BACH2: variants seen among roughly 807,000 people sequenced by gnomAD.
The protein encoded by BACH2 is transcription regulator protein BACH2.
BACH2 carries 5 observed loss-of-function variants against 61.8 expected under a neutral mutation model. The ratio of observed to expected loss-of-function variants is 0.08; its 90% CI spans 0.04 to 0.17. The LOEUF is 0.17. Ranked by LOEUF, BACH2 falls within the 10% of genes least tolerant of loss-of-function variation. The pLI is 1.00. For missense variants in BACH2, 824 were observed against 1,091.1 expected, an observed-to-expected ratio of 0.76 and a Z score of 3.45; for synonymous variants, 446 against 440.1, an observed-to-expected ratio of 1.01 and a Z score of -0.17.
chr6:90,244,315 G>A (rs1277717711), intron 3 of BACH2, among the ~76,000 whole-genome samples: 1 of 152,182 alleles, frequency 6.6e-6, no homozygotes, highest in Non-Finnish European at 1.5e-5. Context: ...TGTACCAGAT[G>A]GTATTCAAGG....
chr6:90,104,842 A>C (rs1197875168), intron 4 of BACH2, among the ~76,000 whole-genome samples: 1 of 152,178 alleles, frequency 6.6e-6, no homozygotes, highest in Non-Finnish European at 1.5e-5. Context: ...GAGGAGAAGG[A>C]GCAGGAAAGA....
Position 89,932,349 on chromosome 6 carries a change from GC to G in BACH2, c.*58del. On this transcript the variant is annotated 3_prime_UTR_variant, in exon 9 of 9. Transcript: ENST00000257749. ...GGACAGCAGATGAACAGTGCCACAG[GC>G]TGACTGAAGAACGCCTGGATGGGAG... is the stretch of plus-strand genomic sequence containing the variant. The G allele has an allele frequency of 6.4e-7, 1 of 1,572,598 alleles. No individual in the cohort carries two copies. Among genetic ancestry groups the G allele is most frequent in the Non-Finnish European group, 8.7e-7 (1 of 1,155,118 alleles).
At chr6:90,133,587 AC>A (rs1331163083) in intron 4 of BACH2, among the ~76,000 whole-genome samples, 1 of 151,940 alleles carries the variant, frequency 6.6e-6, no homozygotes, top group Non-Finnish European at 1.5e-5. Context: ...CATGTGCACA[AC>A]GTGCAGGTTT....
chr6:90,015,707 A>C (rs755177945), intron 5 of BACH2, among the ~76,000 whole-genome samples: 3 of 152,186 alleles, frequency 2.0e-5, no homozygotes, highest in Non-Finnish European at 4.4e-5. Context: ...ACCTTGGTAA[A>C]TACTACATAA....
At chr6:90,068,391 T>C (rs975187946) in intron 5 of BACH2, among the ~76,000 whole-genome samples, 34 of 152,306 alleles carry the variant, frequency 2.2e-4, no homozygotes, top group Admixed American at 2.0e-4. Flanking sequence ...AGTCCTTACA[T>C]AGTTAGCACC....
At chr6:90,262,712 T>C (rs757509834) in intron 2 of BACH2, among the ~76,000 whole-genome samples, 4 of 152,142 alleles carry the variant, frequency 2.6e-5, no homozygotes, top group Non-Finnish European at 5.9e-5. Context: ...ATCTCCAATT[T>C]ACACGTGAAA....
intron 6 of BACH2, among the ~76,000 whole-genome samples, chr6:89,991,687 A>C (rs564045262): frequency 1.3e-5 from 2 of 152,292 alleles, no homozygotes; most frequent in East Asian, 3.9e-4. Flanking sequence ...CAGATTCTCC[A>C]AAGTGCTCCA....
intron 1 of BACH2, among the ~76,000 whole-genome samples, chr6:90,287,729 G>T (rs1253797281): frequency 2.6e-5 from 4 of 152,112 alleles, no homozygotes; most frequent in Non-Finnish European, 5.9e-5. Context: ...CCTATCACCA[G>T]GTTACCAGTG....
intron 4 of BACH2, among the ~76,000 whole-genome samples, chr6:90,164,390 A>G (rs1438209723): frequency 2.0e-5 from 3 of 152,180 alleles, no homozygotes; most frequent in Non-Finnish European, 4.4e-5. Flanking sequence ...GAATAGACCA[A>G]TAACAGGTTC....
At chr6:90,069,595 A>G (rs1190632823) in intron 5 of BACH2, among the ~76,000 whole-genome samples, 2 of 152,198 alleles carry the variant, frequency 1.3e-5, no homozygotes, top group Non-Finnish European at 2.9e-5. Context: ...TTAACGTAGA[A>G]AAAAAGACTT....
In BACH2 at chr6:89,951,357, G is replaced by T; in HGVS notation, c.749C>A (p.Thr250Asn). 6.2e-7 allele frequency: 1 copy of T among 1,614,216 alleles called. No individual in the cohort carries two copies. The highest frequency in any genetic ancestry group is 8.5e-7 in the Non-Finnish European group (1 of 1,180,034). Residue 250 changes from threonine to asparagine, a missense_variant, in exon 7 of 9, where the codon ACC becomes AAC. Physicochemically the swap from Thr to Asn is moderately conservative, Grantham distance 65. This residue lies in a region of BACH2 where 226 missense variants were observed against 228.5 expected (regional missense o/e 0.99). Transcript: ENST00000257749. This position sits in a 1 kb window ranked among gnomAD's most constrained non-coding sequence, Gnocchi z 6.4. The part of the protein sequence containing the change: ...KNVYNASSHS[T>N]SGFASTFRED... ...CCGGAATGTGCTTGCAAAACCTGAG[G>T]TACTGTGTGATGATGCATTATAGAC...
At chr6:90,099,724 G>A (rs932793136) in intron 4 of BACH2, among the ~76,000 whole-genome samples, 1 of 152,154 alleles carries the variant, frequency 6.6e-6, no homozygotes, top group Non-Finnish European at 1.5e-5. Flanking sequence ...CTATTAGGTG[G>A]CCAGGACCAC....
At chr6:89,989,672 C>A (rs576481789) in intron 6 of BACH2, among the ~76,000 whole-genome samples, 1 of 152,260 alleles carries the variant, frequency 6.6e-6, no homozygotes, top group African/African-American at 2.4e-5. Context: ...CCAAGTTGTC[C>A]CCATGTCAAA....
At chr6:90,183,775 T>A (rs1768251830) in intron 4 of BACH2, among the ~76,000 whole-genome samples, 1 of 152,206 alleles carries the variant, frequency 6.6e-6, no homozygotes, top group African/African-American at 2.4e-5. Context: ...TGTCAAGGTT[T>A]ACTAAGCTGA....
At chr6:90,122,404 C>G (rs1783665908) in intron 4 of BACH2, among the ~76,000 whole-genome samples, 1 of 151,278 alleles carries the variant, frequency 6.6e-6, no homozygotes, top group Non-Finnish European at 1.5e-5. Context: ...ACCAGAACAA[C>G]AAGAACAATC....
At chr6:90,222,898 TCAAA>T (rs1769782246) in intron 3 of BACH2, among the ~76,000 whole-genome samples, 3 of 151,892 alleles carry the variant, frequency 2.0e-5, no homozygotes, top group East Asian at 1.9e-4. Flanking sequence ...TCACCTGCTC[TCAAA>T]CAGTCCTTCC....
chr6:90,165,396 T>G (rs1436008772), intron 4 of BACH2, among the ~76,000 whole-genome samples: 4 of 151,974 alleles, frequency 2.6e-5, no homozygotes, highest in Admixed American at 6.6e-5. Context: ...CACTGCTCAA[T>G]GAAATAAAAG....
intron 3 of BACH2, among the ~76,000 whole-genome samples, chr6:90,227,916 T>G (rs1388321928): frequency 6.6e-6 from 1 of 152,226 alleles, no homozygotes; most frequent in Non-Finnish European, 1.5e-5. Context: ...AGTTTATACT[T>G]TTCATACCAG....
chr6:90,088,520 TA>T (rs11330634), intron 5 of BACH2, among the ~76,000 whole-genome samples: 8,758 of 152,246 alleles, frequency 0.058, 828 homozygotes, highest in African/African-American at 0.2. Flanking sequence ...AGCAAAGCAT[TA>T]AATTTCTTAA....
Sources: allele counts gnomAD v4.1 joint callset (sites outside exome capture counted in the v4.1 genomes callset), GRCh38; gene constraint gnomAD v4.1.1; regional missense constraint gnomAD v4.1.1; non-coding constraint Gnocchi (gnomAD v3.1); transcripts MANE v1.5; gene names NCBI Gene and HGNC (gene_info 2026-07-23, HGNC 2026-07-21).